The following BACH2 variants were observed in gnomAD, a reference collection of about 807,000 sequenced individuals.
BACH2 encodes BACH transcriptional regulator 2, also known as transcription regulator protein BACH2.
A neutral mutation model predicts 61.8 loss-of-function variants in BACH2; 5 were observed. The ratio of observed to expected loss-of-function variants is 0.08; its 90% CI spans 0.04 to 0.17. BACH2 has a LOEUF of 0.17. Among genes scored for constraint, BACH2 ranks in the 10% least tolerant of loss-of-function variants. The probability of loss-of-function intolerance (pLI) is 1.00; values close to 1 mark genes in which losing one functional copy is unlikely to be tolerated. For missense variants in BACH2, 824 were observed against 1,091.1 expected (o/e 0.76, Z 3.45); for synonymous variants, 446 against 440.1 (o/e 1.01, Z -0.17).
chr6:90,028,984 A>G (rs762000500), intron 5 of BACH2, among the ~76,000 whole-genome samples: 3 of 152,238 alleles, frequency 2.0e-5, no homozygotes, highest in Non-Finnish European at 2.9e-5. Context: ...TAACTGGTCC[A>G]TCAAATTAGC....
intron 5 of BACH2, among the ~76,000 whole-genome samples, chr6:90,057,962 G>A (rs201443395): frequency 6.6e-6 from 1 of 152,168 alleles, no homozygotes; most frequent in Middle Eastern, 3.2e-3. Context: ...AGGGATTGAT[G>A]GGACGTATCT....
intron 4 of BACH2, among the ~76,000 whole-genome samples, chr6:90,186,701 G>A (rs1047600630): frequency 6.6e-6 from 1 of 152,182 alleles, no homozygotes; most frequent in African/African-American, 2.4e-5. Context: ...GACAATGGTA[G>A]CATTTACCAA....
chr6:89,946,627 G>A (rs985168858), intron 7 of BACH2, among the ~76,000 whole-genome samples: 3 of 152,170 alleles, frequency 2.0e-5, no homozygotes, highest in Non-Finnish European at 1.5e-5. Flanking sequence ...AACATGTCTT[G>A]GCCCTGTGTG....
At chr6:90,165,775 T>A (rs1483493728) in intron 4 of BACH2, among the ~76,000 whole-genome samples, 2 of 152,136 alleles carry the variant, frequency 1.3e-5, no homozygotes, top group Non-Finnish European at 2.9e-5. Flanking sequence ...CCATCTGATC[T>A]TTGACAAGCC....
At chr6:89,958,812 C>G (rs1344222304) in intron 6 of BACH2, among the ~76,000 whole-genome samples, 2 of 152,132 alleles carry the variant, frequency 1.3e-5, no homozygotes, top group Non-Finnish European at 2.9e-5. Flanking sequence ...ACTCCCTCAT[C>G]ATCTTCCGGC....
At chr6:90,056,098 C>T (rs529293966) in intron 5 of BACH2, among the ~76,000 whole-genome samples, 1 of 152,326 alleles carries the variant, frequency 6.6e-6, no homozygotes, top group East Asian at 1.9e-4. Flanking sequence ...ATCATAATGA[C>T]AGGATCAAAT....
intron 4 of BACH2, among the ~76,000 whole-genome samples, chr6:90,137,581 T>C (rs1439648132): frequency 6.6e-6 from 1 of 152,232 alleles, no homozygotes; most frequent in African/African-American, 2.4e-5. Flanking sequence ...GCCACACTTT[T>C]GAAAACATCT....
chr6:89,980,485 T>C (rs572953193), intron 6 of BACH2, among the ~76,000 whole-genome samples: 1 of 152,252 alleles, frequency 6.6e-6, no homozygotes, highest in Non-Finnish European at 1.5e-5. Context: ...ATTGCCATTA[T>C]GATGACAATC....
intron 8 of BACH2, among the ~76,000 whole-genome samples, chr6:89,934,376 G>C (rs1772876774): frequency 6.6e-6 from 1 of 152,158 alleles, no homozygotes; most frequent in Non-Finnish European, 1.5e-5. Context: ...TTGTGAGAAG[G>C]GGGCTGGGCA....
intron 4 of BACH2, among the ~76,000 whole-genome samples, chr6:90,120,568 T>C (rs1783580534): frequency 6.6e-6 from 1 of 152,226 alleles, no homozygotes; most frequent in Non-Finnish European, 1.5e-5. Context: ...ATGATCTTAA[T>C]TTGCCAAAGT....
intron 5 of BACH2, among the ~76,000 whole-genome samples, chr6:90,010,259 C>G (rs1467777013): frequency 6.6e-6 from 1 of 152,152 alleles, no homozygotes; most frequent in Admixed American, 6.5e-5. Flanking sequence ...TCCCTTGTAC[C>G]TCTCTGTACC....
intron 2 of BACH2, among the ~76,000 whole-genome samples, chr6:90,267,424 AG>A (rs1771373692): frequency 6.6e-6 from 1 of 152,176 alleles, no homozygotes; most frequent in Non-Finnish European, 1.5e-5. Context: ...AACACCTGGC[AG>A]GGGTGAGGCA....
intron 1 of BACH2, among the ~76,000 whole-genome samples, chr6:90,284,871 G>A (rs1771970542): frequency 6.6e-6 from 1 of 152,142 alleles, no homozygotes; most frequent in Non-Finnish European, 1.5e-5. Context: ...ATTCGTATCG[G>A]CGGAAACCAA....
At chr6:90,134,309 CAT>C (rs1367906709) in intron 4 of BACH2, among the ~76,000 whole-genome samples, 8 of 152,250 alleles carry the variant, frequency 5.3e-5, no homozygotes, top group Non-Finnish European at 4.4e-5. Flanking sequence ...ACTTCAAACA[CAT>C]GACTTCGCTT....
At chr6:90,120,940 A>G (rs1200974128) in intron 4 of BACH2, among the ~76,000 whole-genome samples, 1 of 152,206 alleles carries the variant, frequency 6.6e-6, no homozygotes, top group African/African-American at 2.4e-5. Context: ...ATGAAAATTT[A>G]GTAAAATTAA....
chr6:90,000,085 C>G (rs556025384), intron 6 of BACH2, among the ~76,000 whole-genome samples: 2 of 152,172 alleles, frequency 1.3e-5, no homozygotes, highest in Non-Finnish European at 2.9e-5. Context: ...TTGGAAACAG[C>G]TTATGTGTCT....
intron 3 of BACH2, among the ~76,000 whole-genome samples, chr6:90,211,609 TG>T (rs1319224598): frequency 6.0e-5 from 9 of 151,220 alleles, no homozygotes; most frequent in African/African-American, 1.7e-4. Context: ...TGTGTGTGTG[TG>T]TGTGTGTGTG....
At chr6:90,235,257 C>T (rs1770221703) in intron 3 of BACH2, among the ~76,000 whole-genome samples, 1 of 152,128 alleles carries the variant, frequency 6.6e-6, no homozygotes, top group South Asian at 2.1e-4. Flanking sequence ...GGTATTGAGT[C>T]CATCTGCATG....
At chr6:90,017,012 T>G (rs1174204898) in intron 5 of BACH2, among the ~76,000 whole-genome samples, 2 of 152,182 alleles carry the variant, frequency 1.3e-5, no homozygotes, top group African/African-American at 4.8e-5. Flanking sequence ...GTTTTCCTCA[T>G]GTTTCTTGAG....
Sources: allele counts gnomAD v4.1 joint callset (sites outside exome capture counted in the v4.1 genomes callset), GRCh38; gene constraint gnomAD v4.1.1; transcripts MANE v1.5; gene names NCBI Gene and HGNC (gene_info 2026-07-23, HGNC 2026-07-21).